ALDH9A1: variants seen among roughly 807,000 people sequenced by gnomAD.
ALDH9A1 encodes the protein 4-trimethylaminobutyraldehyde dehydrogenase.
ALDH9A1 carries 42 observed loss-of-function variants against 56.6 expected under a neutral mutation model. The ratio of observed to expected loss-of-function variants is 0.74; its 90% CI spans 0.58 to 0.96. The LOEUF (loss-of-function observed/expected upper bound fraction) is 0.96, where lower values mean the gene tolerates loss of function less well. Among genes scored for constraint, ALDH9A1 ranks in the 40% least tolerant of loss-of-function variants. The probability of loss-of-function intolerance (pLI) is 0.00; values close to 1 mark genes in which losing one functional copy is unlikely to be tolerated. For missense variants in ALDH9A1, 661 were observed against 651.5 expected (o/e 1.01, Z -0.16); for synonymous variants, 242 against 236.0 (o/e 1.03, Z -0.23).
At chr1:165,671,414 T>G in intron 6 of ALDH9A1, 1 of 460,430 alleles carries the variant, frequency 2.2e-6, no homozygotes, top group Non-Finnish European at 4.3e-6. Context: ...AGGGCCTGAC[T>G]CCTTCACAAA....
At chr1:165,668,717 G>T in intron 8 of ALDH9A1, 1 of 415,058 alleles carries the variant, frequency 2.4e-6, no homozygotes. Flanking sequence ...TGTGGTCCTG[G>T]ATAAACTAAT....
chr1:165,680,272 T>C (rs1452247162), intron 5 of ALDH9A1, among the ~76,000 whole-genome samples: 1 of 152,158 alleles, frequency 6.6e-6, no homozygotes, highest in Non-Finnish European at 1.5e-5. Context: ...TTTCCACCCC[T>C]ACCTGGCCTA....
rs557003267 is a variant in ALDH9A1, at chr1:165,664,078, T to C, written c.1463-934A>G. Reference sequence around the variant, plus strand: ...TGTTATATGTTACATGTTAATAAGATGGCACCTTGGTTCCCACCTGCACTT... The same window carrying C: ...TGTTATATGTTACATGTTAATAAGACGGCACCTTGGTTCCCACCTGCACTT... On this transcript the variant is annotated intron_variant, in intron 10 of 10. Coordinates refer to ENST00000354775, the MANE Select transcript of ALDH9A1 (RefSeq NM_000696.4). 2.2e-4 allele frequency among the ~76,000 whole-genome samples: 34 copies of C among 152,324 alleles called. No homozygotes were observed. In the East Asian group the frequency reaches 3.5e-3, roughly 16 times the overall value.
At chr1:165,688,014 AAAAGAAATT>A (rs1045743301) in intron 2 of ALDH9A1, among the ~76,000 whole-genome samples, 13 of 76,576 alleles carry the variant, frequency 1.7e-4, no homozygotes, top group African/African-American at 5.4e-4. Flanking sequence ...AAAAGAAAAG[AAAAGAAATT>A]AATTAATTCT....
At chr1:165,696,043 G>A (rs1650072599) in intron 1 of ALDH9A1, among the ~76,000 whole-genome samples, 1 of 151,984 alleles carries the variant, frequency 6.6e-6, no homozygotes, top group Non-Finnish European at 1.5e-5. Flanking sequence ...GTAGAGACGG[G>A]ATTTCATCAT....
chr1:165,680,051 T>C (rs796200725), intron 5 of ALDH9A1, among the ~76,000 whole-genome samples: 114 of 144,162 alleles, frequency 7.9e-4, no homozygotes, highest in African/African-American at 2.9e-3. Context: ...ATTCACAGGA[T>C]TGTCATAGCC....
chr1:165,689,276 G>T (rs373961837), intron 2 of ALDH9A1, among the ~76,000 whole-genome samples: 2 of 152,208 alleles, frequency 1.3e-5, no homozygotes, highest in Admixed American at 1.3e-4. Flanking sequence ...ACACTGACGA[G>T]TTGATTGAAT....
intron 9 of ALDH9A1, among the ~76,000 whole-genome samples, chr1:165,666,834 CAA>C (rs1649023853): frequency 6.6e-6 from 1 of 152,048 alleles, no homozygotes; most frequent in Non-Finnish European, 1.5e-5. Flanking sequence ...AGTTTATGCA[CAA>C]AGATATTAAT....
In ALDH9A1 at chr1:165,662,625, C is replaced by G. The variant is rs1648877565; in HGVS notation, c.*425G>C. ...TGAAGCAGTGGGAATGGAGAAGGAA[C>G]AAAGAAATCTACAAACTGGTTGTGA... On this transcript the variant is annotated 3_prime_UTR_variant, in exon 11 of 11. Transcript: ENST00000354775. 1 of 155,336 alleles carries G rather than the reference C, an allele frequency of 6.4e-6. No homozygotes were observed. Among genetic ancestry groups the G allele is most frequent in the African/African-American group, 2.4e-5 (1 of 41,424 alleles). The allele number at this position is 155,336 out of a possible 1,614,324, so 9.6% of individuals were successfully genotyped here. A position where few individuals can be genotyped will look rare whatever the true frequency, so the allele number is the denominator to read the frequency against.
chr1:165,666,141 A>G (rs540186703), intron 9 of ALDH9A1, among the ~76,000 whole-genome samples: 25 of 152,376 alleles, frequency 1.6e-4, no homozygotes, highest in African/African-American at 5.8e-4. Flanking sequence ...GAAAGAAGCC[A>G]GTCACAAAAG....
chr1:165,674,208 G>A (rs1483957789), intron 6 of ALDH9A1, among the ~76,000 whole-genome samples: 2 of 148,592 alleles, frequency 1.3e-5, no homozygotes, highest in Non-Finnish European at 3.0e-5. Context: ...TTTAGCATAC[G>A]ATCAAGAAAT....
At chr1:165,676,742 A>T (rs1403371972) in intron 6 of ALDH9A1, 1 of 509,612 alleles carries the variant, frequency 2.0e-6, no homozygotes, top group Admixed American at 2.1e-5. Context: ...AACGGGAAGG[A>T]GCCTGAGCTG....
In ALDH9A1 at chr1:165,672,972, AACACACAC is replaced by A. The variant is rs67363579; in HGVS notation, c.931-3530_931-3523del. Among the ~76,000 whole-genome samples, 244 of 124,258 alleles carry A rather than the reference AACACACAC, an allele frequency of 2.0e-3. 2 individuals carry two copies. The highest frequency in any genetic ancestry group is 5.7e-3 in the Admixed American group (70 of 12,280). The allele number at this position is 124,258 out of a possible 152,430, so 81.5% of individuals were successfully genotyped here. A position where few individuals can be genotyped will look rare whatever the true frequency, so the allele number is the denominator to read the frequency against. On this transcript the variant is annotated intron_variant, in intron 6 of 10. Coordinates refer to ENST00000354775, the MANE Select transcript of ALDH9A1 (RefSeq NM_000696.4). ...AAAAATAAAAAATAAAAAAAATACA[AACACACAC>A]ACACACACACACACACACACACACA...
Position 165,682,092 on chromosome 1 carries a change from A to G in ALDH9A1, c.592+15T>C. 6.2e-7 allele frequency: 1 copy of G among 1,613,602 alleles called. No homozygotes were observed. Among genetic ancestry groups the G allele is most frequent in the Non-Finnish European group, 8.5e-7 (1 of 1,179,702 alleles). On this transcript the variant is annotated intron_variant, in intron 4 of 10. Coordinates refer to ENST00000354775, the MANE Select transcript of ALDH9A1 (RefSeq NM_000696.4). ...GAACGAATGGCTCTCAAATGGAGGG[A>G]TAATTCATTCTTACCACAGGCTAAT...
intron 6 of ALDH9A1, among the ~76,000 whole-genome samples, chr1:165,670,254 G>A (rs997588511): frequency 6.6e-6 from 1 of 151,984 alleles, no homozygotes; most frequent in Admixed American, 6.6e-5. Flanking sequence ...GCAACATGAT[G>A]AAACCCCATC....
intron 6 of ALDH9A1, among the ~76,000 whole-genome samples, chr1:165,677,784 G>T (rs1649411195): frequency 6.7e-6 from 1 of 149,422 alleles, no homozygotes; most frequent in Non-Finnish European, 1.5e-5. Context: ...CATGAACCCA[G>T]GAGACAGAGC....
At chr1:165,681,981 A>G in intron 4 of ALDH9A1, 126 bp downstream of exon 4, 1 of 1,292,684 alleles carries the variant, frequency 7.7e-7, no homozygotes, top group Non-Finnish European at 1.1e-6. Context: ...GGCTTTGAAT[A>G]TCCCAGAGCA....
chr1:165,691,917 T>C (rs1361877125), intron 2 of ALDH9A1, among the ~76,000 whole-genome samples: 1 of 152,172 alleles, frequency 6.6e-6, no homozygotes, highest in African/African-American at 2.4e-5. Context: ...TGGTTCAACA[T>C]ACACAAATCA....
chr1:165,668,077 G>T (rs1386447907), intron 8 of ALDH9A1, among the ~76,000 whole-genome samples: 1 of 152,142 alleles, frequency 6.6e-6, no homozygotes, highest in Non-Finnish European at 1.5e-5. Context: ...CACCTTGACT[G>T]TCAAAACTAG....
Sources: gnomAD v4.1 joint callset for allele counts (sites outside exome capture counted in the v4.1 genomes callset) on GRCh38, gnomAD v4.1.1 for gene constraint, MANE v1.5 for transcripts, NCBI Gene and HGNC (gene_info 2026-07-23, HGNC 2026-07-21) for gene names.